The following SAMD12 variants were observed in gnomAD, a reference collection of about 807,000 sequenced individuals.
SAMD12 encodes sterile alpha motif domain-containing protein 12.
In SAMD12, 9 loss-of-function variants were observed where a neutral mutation model predicts 15.0. The observed-to-expected ratio is 0.60, with a 90% CI of 0.36 to 1.05. The LOEUF (loss-of-function observed/expected upper bound fraction) is 1.05. SAMD12 is among the 50% of genes least tolerant of loss of function. SAMD12 has a pLI of 0.01. For missense variants in SAMD12, 230 were observed against 234.2 expected, an observed-to-expected ratio of 0.98 and a Z score of 0.12; for synonymous variants, 86 against 90.1, an observed-to-expected ratio of 0.96 and a Z score of 0.25.
chr8:118,302,828 A>AC (rs1438247921), intron 4 of SAMD12, among the ~76,000 whole-genome samples: 1 of 152,224 alleles, frequency 6.6e-6, no homozygotes, highest in East Asian at 1.9e-4. Context: ...AATCAGTAAG[A>AC]CCAATCCTTT....
In SAMD12 at chr8:118,327,919, A is replaced by G. The variant is rs147757733; in HGVS notation, c.433+51641T>C. Among the ~76,000 whole-genome samples the G allele has an allele frequency of 8.3e-4, 127 of 152,330 alleles. 2 individuals are homozygous for G. In the East Asian group the frequency reaches 0.022, roughly 27 times the overall value. On this transcript the variant is annotated intron_variant, in intron 4 of 4. Transcript: ENST00000409003. ...AGGGATTGCTTTTAAGGTTTGCCAG[A>G]TCTGTTTTCGATCTTCAAAATGCAG...
At chr8:118,144,034 T>A in the SAMD12 span, among the ~76,000 whole-genome samples, 6 of 152,150 alleles carry the variant, frequency 3.9e-5, no homozygotes, top group Non-Finnish European at 8.8e-5. Flanking sequence ...CTTCCTCCCC[T>A]CTTCCAGCTT....
chr8:118,525,254 G>T (rs1300493035), intron 2 of SAMD12, among the ~76,000 whole-genome samples: 1 of 152,054 alleles, frequency 6.6e-6, no homozygotes, highest in Non-Finnish European at 1.5e-5. Flanking sequence ...ATTTCCTTCA[G>T]GTCTCTGATT....
At chr8:118,414,550 C>T (rs567462243) in intron 3 of SAMD12, among the ~76,000 whole-genome samples, 2 of 152,244 alleles carry the variant, frequency 1.3e-5, no homozygotes, top group South Asian at 2.1e-4. Context: ...TTTAGCCAGT[C>T]CTTATATCCA....
At chr8:118,529,442 A>G (rs1220698204) in intron 2 of SAMD12, among the ~76,000 whole-genome samples, 1 of 152,196 alleles carries the variant, frequency 6.6e-6, no homozygotes, top group Non-Finnish European at 1.5e-5. Context: ...GTTTTGTTAC[A>G]TGGATATATT....
At chr8:118,174,689 G>A in the SAMD12 span, among the ~76,000 whole-genome samples, 2 of 152,056 alleles carry the variant, frequency 1.3e-5, no homozygotes, top group Non-Finnish European at 2.9e-5. Context: ...AAGGTAAAAA[G>A]TGGGGGTGAA....
At chr8:118,283,867 G>T (rs574638559) in intron 4 of SAMD12, among the ~76,000 whole-genome samples, 1 of 152,282 alleles carries the variant, frequency 6.6e-6, no homozygotes, top group South Asian at 2.1e-4. Context: ...TTATTTAGGA[G>T]TTTCATTCAG....
intron 1 of SAMD12, among the ~76,000 whole-genome samples, chr8:118,606,304 G>A (rs560658169): frequency 0.011 from 1,603 of 152,240 alleles, 18 homozygotes; most frequent in Non-Finnish European, 0.018. Context: ...TCAAGAAAAA[G>A]ACTCAAGATA....
intron 1 of SAMD12, among the ~76,000 whole-genome samples, chr8:118,607,220 C>G (rs1217960055): frequency 6.6e-6 from 1 of 150,794 alleles, no homozygotes; most frequent in East Asian, 1.9e-4. Flanking sequence ...AAGTCCTGAT[C>G]CAGTATTCCC....
At chr8:118,178,685 T>C in the SAMD12 span, among the ~76,000 whole-genome samples, 4 of 151,910 alleles carry the variant, frequency 2.6e-5, no homozygotes, top group Non-Finnish European at 5.9e-5. Flanking sequence ...AGGCTGGTCT[T>C]GAACTCTTGA....
At chr8:118,315,984 G>A (rs981161859) in intron 4 of SAMD12, among the ~76,000 whole-genome samples, 10 of 152,100 alleles carry the variant, frequency 6.6e-5, no homozygotes, top group East Asian at 3.9e-4. Flanking sequence ...TTGAAATGCC[G>A]GAGAAGGGAC....
intron 4 of SAMD12, among the ~76,000 whole-genome samples, chr8:118,342,458 G>A (rs1817423157): frequency 6.6e-6 from 1 of 152,138 alleles, no homozygotes; most frequent in Non-Finnish European, 1.5e-5. Flanking sequence ...ATGCCCACAA[G>A]AGAAAATCGA....
At chr8:118,570,115 T>C (rs1004479662) in intron 2 of SAMD12, among the ~76,000 whole-genome samples, 4 of 152,166 alleles carry the variant, frequency 2.6e-5, no homozygotes, top group South Asian at 2.1e-4. Context: ...GGACCCTGAA[T>C]AGAGCTTGCA....
intron 3 of SAMD12, among the ~76,000 whole-genome samples, chr8:118,434,557 A>T (rs1822517480): frequency 6.6e-6 from 1 of 152,230 alleles, no homozygotes; most frequent in Non-Finnish European, 1.5e-5. Context: ...AGCAACCACC[A>T]CAGGAAGAAA....
chr8:118,405,355 A>C (rs1049503269), intron 3 of SAMD12, among the ~76,000 whole-genome samples: 5 of 152,198 alleles, frequency 3.3e-5, no homozygotes, highest in African/African-American at 1.2e-4. Context: ...ACACAATGGA[A>C]TGTTTCAACA....
At chr8:118,550,481 G>A (rs1319010583) in intron 2 of SAMD12, among the ~76,000 whole-genome samples, 1 of 152,156 alleles carries the variant, frequency 6.6e-6, no homozygotes, top group Non-Finnish European at 1.5e-5. Flanking sequence ...CAAATGCTGA[G>A]AGATTTTGTC....
exon 5 of SAMD12, chr8:118,193,031 T>C (rs1338065840): frequency 2.0e-5 from 3 of 152,238 alleles, no homozygotes; most frequent in African/African-American, 7.2e-5. Flanking sequence ...GCAGGAAGTA[T>C]AAAACTAGCC....
At chr8:118,536,272 A>C (rs1292981247) in intron 2 of SAMD12, among the ~76,000 whole-genome samples, 1 of 152,110 alleles carries the variant, frequency 6.6e-6, no homozygotes, top group Non-Finnish European at 1.5e-5. Flanking sequence ...TCCTGATATA[A>C]GATAAAATCT....
At chr8:118,544,283 G>C (rs1826065421) in intron 2 of SAMD12, among the ~76,000 whole-genome samples, 1 of 152,086 alleles carries the variant, frequency 6.6e-6, no homozygotes, top group Non-Finnish European at 1.5e-5. Flanking sequence ...AAGTTCTAAG[G>C]GCTTGGTAAA....
Sources: gnomAD v4.1 joint callset for allele counts (sites outside exome capture counted in the v4.1 genomes callset) on GRCh38, gnomAD v4.1.1 for gene constraint, MANE v1.5 for transcripts, NCBI Gene and HGNC (gene_info 2026-07-23, HGNC 2026-07-21) for gene names.